Variants in NET1 observed in about 807,000 individuals in gnomAD.
NET1 encodes the protein neuroepithelial cell transforming 1.
NET1 carries 42 observed loss-of-function variants against 61.1 expected under a neutral mutation model. The ratio of observed to expected loss-of-function variants is 0.69; its 90% CI spans 0.54 to 0.89. NET1 has a LOEUF of 0.89. Ranked by LOEUF, NET1 falls within the 40% of genes least tolerant of loss-of-function variation. The pLI is 0.00. For synonymous variants in NET1, 254 were observed against 281.8 expected (o/e 0.90, Z 0.99); for missense variants, 654 against 747.3 (o/e 0.88, Z 1.46).
In NET1 at chr10:5,421,757, C is replaced by T. The variant is rs2119169120; in HGVS notation, c.129-4898C>T. ...TCATTACCACAATCCATTGTTAGAA[C>T]ATTTCATCACCCCAAATATCCCTGC... On this transcript the variant is annotated intron_variant, in intron 1 of 11. Transcript: ENST00000355029. This position sits in a 1 kb window ranked among gnomAD's most constrained non-coding sequence, Gnocchi z 4.2. 6.6e-6 allele frequency among the ~76,000 whole-genome samples: 1 copy of T among 152,292 alleles called. No homozygotes were observed. The highest frequency in any genetic ancestry group is 1.9e-4 in the East Asian group (1 of 5,190).
rs1238176415 is a variant in NET1 at position 5,427,278 on chromosome 10, A to T, written c.195+557A>T. Among the ~76,000 whole-genome samples, 1 of 152,208 alleles carries T rather than the reference A, an allele frequency of 6.6e-6. No individual in the cohort carries two copies. The highest frequency in any genetic ancestry group is 6.5e-5 in the Admixed American group (1 of 15,280). On this transcript the variant is annotated intron_variant, in intron 2 of 11. Coordinates refer to ENST00000355029, the MANE Select transcript of NET1 (RefSeq NM_001047160.3). This position sits in a 1 kb window ranked among gnomAD's most constrained non-coding sequence, Gnocchi z 4.1. ...CTCATAATACATATATAAAGTACGTACAAATAGATCATGATTCTTATGCTT... is the reference window on the plus strand; with the variant it reads ...CTCATAATACATATATAAAGTACGTTCAAATAGATCATGATTCTTATGCTT...
rs1411296575 is a variant in NET1 at position 5,436,225 on chromosome 10, CATAT to C, written c.255+7017_255+7020del. ...GTGTGTGTGTGTGTGTGTGTGTGTG[CATAT>C]ATATATATATATATATATATTTTTT... On this transcript the variant is annotated intron_variant, in intron 3 of 11. Coordinates refer to ENST00000355029, the MANE Select transcript of NET1 (RefSeq NM_001047160.3). Among the ~76,000 whole-genome samples, 16 of 24,622 alleles carry C rather than the reference CATAT, an allele frequency of 6.5e-4. 1 individual carries two copies. The highest frequency in any genetic ancestry group is 1.4e-3 in the Admixed American group (2 of 1,462). The allele number at this position is 24,622 out of a possible 152,430, so 16.2% of individuals were successfully genotyped here. A position where few individuals can be genotyped will look rare whatever the true frequency, so the allele number is the denominator to read the frequency against.
chr10:5,456,092 T>C lies in NET1; in HGVS notation c.1203T>C (p.Leu401=). ...TTTGTTTCCCATTTCTCCAGAAACT[T>C]TACATTTTCCTGTTTCAAGACATCT... is the stretch of plus-strand genomic sequence containing the variant. ...GELRSKSGHK[L]YIFLFQDILV... is the part of the protein sequence containing the mutation. The change falls in exon 11 of 12, where the codon CTT becomes CTC. Residue 401 remains leucine, a synonymous_variant. Coordinates refer to ENST00000355029, the MANE Select transcript of NET1 (RefSeq NM_001047160.3). This position sits in a 1 kb window ranked among gnomAD's most constrained non-coding sequence, Gnocchi z 7.0. 1 of 1,609,374 alleles carries C rather than the reference T, an allele frequency of 6.2e-7. No homozygotes were observed. The highest frequency in any genetic ancestry group is 8.5e-7 in the Non-Finnish European group (1 of 1,177,600).
At position 5,456,457 on chromosome 10, in the gene NET1, C is replaced by T; in HGVS notation, c.1385-131C>T. On this transcript the variant is annotated intron_variant, in intron 11 of 11. Transcript: ENST00000355029. This position sits in a 1 kb window ranked among gnomAD's most constrained non-coding sequence, Gnocchi z 7.0. Reference sequence around the variant, plus strand: ...GTGTATCTAAGAAATAATGCATAGGCTTAATGTATTCACATTGACATAAAT... The same window carrying T: ...GTGTATCTAAGAAATAATGCATAGGTTTAATGTATTCACATTGACATAAAT... The T allele has an allele frequency of 9.4e-7, 1 of 1,068,038 alleles. No homozygotes were observed. Among genetic ancestry groups the T allele is most frequent in the Non-Finnish European group, 1.3e-6 (1 of 751,240 alleles). 66.2% of individuals were successfully genotyped at this position (1,068,038 alleles called of 1,614,324 possible). A position where few individuals can be genotyped will look rare whatever the true frequency, so the allele number is the denominator to read the frequency against.
rs999726973 is a variant in NET1 at position 5,454,157 on chromosome 10, T to G, written c.769-108T>G. 6.0e-6 allele frequency: 7 copies of G among 1,176,270 alleles called. No individual in the cohort carries two copies. The African/African-American group carries it at 1.1e-4, about 18-fold the overall frequency. 72.9% of individuals were successfully genotyped at this position (1,176,270 alleles called of 1,614,324 possible). ...CTGCCAGAAAATGTCCACAGCTTGT[T>G]AAAACTCTCAAGAATAGCTGTACAT... On this transcript the variant is annotated intron_variant, in intron 8 of 11. Transcript: ENST00000355029. This position sits in a 1 kb window ranked among gnomAD's most constrained non-coding sequence, Gnocchi z 8.1.
rs774806921 is a variant in NET1, at chr10:5,420,451, T to G, written c.129-6204T>G. Among the ~76,000 whole-genome samples the G allele has an allele frequency of 1.3e-5, 2 of 152,212 alleles. No homozygotes were observed. Among genetic ancestry groups the G allele is most frequent in the African/African-American group, 4.8e-5 (2 of 41,458 alleles). On this transcript the variant is annotated intron_variant, in intron 1 of 11. Transcript: ENST00000355029. This position sits in a 1 kb window ranked among gnomAD's most constrained non-coding sequence, Gnocchi z 5.3. ...GGATTTTAGGTTGTTTGTTGATACA[T>G]CTCCTCTATACACCTGTGCAAGTTT...
Position 5,456,574 on chromosome 10 carries a change from ATT to A in NET1, c.1385-5_1385-4del. ...TAGCCTGATTTCTTTTTTTTTTCCA[ATT>A]TTTTTTTTCAGCTAAAAATATCTTT... On this transcript the variant is annotated splice_polypyrimidine_tract_variant and intron_variant, in intron 11 of 11. Coordinates refer to ENST00000355029, the MANE Select transcript of NET1 (RefSeq NM_001047160.3). The surrounding 1 kb of genome is among the most constrained non-coding windows in gnomAD (Gnocchi z 7.0). 7.3e-7 allele frequency: 1 copy of A among 1,374,978 alleles called. No individual in the cohort carries two copies. The highest frequency in any genetic ancestry group is 9.8e-7 in the Non-Finnish European group (1 of 1,025,312). The allele number at this position is 1,374,978 out of a possible 1,614,324, so 85.2% of individuals were successfully genotyped here.
rs1832760526 is a variant in NET1, at chr10:5,454,284, A to G, written c.788A>G (p.Tyr263Cys). The change falls in exon 9 of 12, where the codon TAC becomes TGC. Residue 263 changes from tyrosine to cysteine, a missense_variant. Coordinates refer to ENST00000355029, the MANE Select transcript of NET1 (RefSeq NM_001047160.3). The surrounding 1 kb of genome is among the most constrained non-coding windows in gnomAD (Gnocchi z 8.1). ...CTTCAGTTACCGCGCTTGAATGCCT[A>G]CAGAGGTTACTGTAGTAACCAGCTG... ...LVSWLPRLNA[Y>C]RGYCSNQLAA... 6.2e-7 allele frequency: 1 copy of G among 1,613,970 alleles called. No individual in the cohort carries two copies. Among genetic ancestry groups the G allele is most frequent in the Non-Finnish European group, 8.5e-7 (1 of 1,179,984 alleles).
At chr10:5,429,655 C>T (rs1177138708) in intron 3 of NET1, among the ~76,000 whole-genome samples, 1 of 152,164 alleles carries the variant, frequency 6.6e-6, no homozygotes, top group African/African-American at 2.4e-5. Context: ...AAAATACATG[C>T]AAGCAAAATA....
intron 1 of NET1, among the ~76,000 whole-genome samples, chr10:5,418,811 A>T (rs937554042): frequency 6.6e-6 from 1 of 152,154 alleles, no homozygotes; most frequent in Non-Finnish European, 1.5e-5. Context: ...TACAGCTATA[A>T]ATTTCCCTCT....
At position 5,412,737 on chromosome 10, in the gene NET1, G is replaced by A. The variant is rs962920649; in HGVS notation, c.45G>A (p.Arg15=). 2.0e-6 allele frequency: 3 copies of A among 1,481,158 alleles called. No individual in the cohort carries two copies. The highest frequency in any genetic ancestry group is 2.7e-6 in the Non-Finnish European group (3 of 1,123,560). The allele number at this position is 1,481,158 out of a possible 1,614,324, so 91.8% of individuals were successfully genotyped here. Residue 15 remains arginine (R), a synonymous_variant, in exon 1 of 12, where the codon AGG becomes AGA. Transcript: ENST00000355029. The surrounding 1 kb of genome is among the most constrained non-coding windows in gnomAD (Gnocchi z 6.5). ...LAAQKQPRPR[R]RSRRASGLST... is the part of the protein sequence containing the mutation. ...CTCAGAAGCAGCCTCGACCGCGGAG[G>A]CGAAGCCGCCGGGCCTCTGGGCTCA...
At position 5,457,595 on chromosome 10, in the gene NET1, T is replaced by G. The variant is rs1832827222; in HGVS notation, c.*601T>G. 6.6e-6 allele frequency: 1 copy of G among 152,630 alleles called. No individual in the cohort carries two copies. Among genetic ancestry groups the G allele is most frequent in the Non-Finnish European group, 1.5e-5 (1 of 68,028 alleles). The allele number at this position is 152,630 out of a possible 1,614,324, so 9.5% of individuals were successfully genotyped here. On this transcript the variant is annotated 3_prime_UTR_variant, in exon 12 of 12. Coordinates refer to ENST00000355029, the MANE Select transcript of NET1 (RefSeq NM_001047160.3). The surrounding 1 kb of genome is among the most constrained non-coding windows in gnomAD (Gnocchi z 5.4). ...TTACATTCATTTAACCTGCCGATTA[T>G]TTAATTTTTTTATTGTAAAGTAGTT... is the stretch of plus-strand genomic sequence containing the variant.
At chr10:5,419,324 T>TTGGG (rs1019236067) in intron 1 of NET1, among the ~76,000 whole-genome samples, 2 of 151,994 alleles carry the variant, frequency 1.3e-5, no homozygotes, top group Non-Finnish European at 2.9e-5. Context: ...GGTTGGTTGG[T>TTGGG]TGGTTGGTTG....
At position 5,412,941 on chromosome 10, in the gene NET1, A is replaced by G; in HGVS notation, c.128+121A>G. On this transcript the variant is annotated intron_variant, in intron 1 of 11. Coordinates refer to ENST00000355029, the MANE Select transcript of NET1 (RefSeq NM_001047160.3). The surrounding 1 kb of genome is among the most constrained non-coding windows in gnomAD (Gnocchi z 6.5). ...GAGGGGAGGGCTGGCCGGGAGTTGG[A>G]TGTGGGGGGCGGCGAGTGGGGGTGT... 1 of 248,816 alleles carries G rather than the reference A, an allele frequency of 4.0e-6. No homozygotes were observed. The highest frequency in any genetic ancestry group is 5.8e-6 in the Non-Finnish European group (1 of 171,270). 15.4% of individuals were successfully genotyped at this position (248,816 alleles called of 1,614,324 possible).
At position 5,417,926 on chromosome 10, in the gene NET1, G is replaced by A. The variant is rs1832108788; in HGVS notation, c.128+5106G>A. ...TTTTGTCTATTGAAATGATCATGTGGTTGTTGTTATTACTGATGTGTTACA... is the reference window on the plus strand; with the variant it reads ...TTTTGTCTATTGAAATGATCATGTGATTGTTGTTATTACTGATGTGTTACA... On this transcript the variant is annotated intron_variant, in intron 1 of 11. Coordinates refer to ENST00000355029, the MANE Select transcript of NET1 (RefSeq NM_001047160.3). This position sits in a 1 kb window ranked among gnomAD's most constrained non-coding sequence, Gnocchi z 5.5. Among the ~76,000 whole-genome samples, 2 of 152,030 alleles carry A rather than the reference G, an allele frequency of 1.3e-5. No individual in the cohort carries two copies.
In NET1 at chr10:5,417,313, G is replaced by C. The variant is rs922181426; in HGVS notation, c.128+4493G>C. Among the ~76,000 whole-genome samples, 3 of 152,126 alleles carry C rather than the reference G, an allele frequency of 2.0e-5. No individual in the cohort carries two copies. Among genetic ancestry groups the C allele is most frequent in the African/African-American group, 7.2e-5 (3 of 41,422 alleles). ...CACAGGATGGGGGTGTGGTGAGCCA[G>C]GGTGGTCTTGGGAAATGCAACATTT... is the stretch of plus-strand genomic sequence containing the variant. On this transcript the variant is annotated intron_variant, in intron 1 of 11. Transcript: ENST00000355029. This position sits in a 1 kb window ranked among gnomAD's most constrained non-coding sequence, Gnocchi z 5.5.
At position 5,444,732 on chromosome 10, in the gene NET1, G is replaced by T. The variant is rs922866093; in HGVS notation, c.256-7098G>T. On this transcript the variant is annotated intron_variant, in intron 3 of 11. Coordinates refer to ENST00000355029, the MANE Select transcript of NET1 (RefSeq NM_001047160.3). This position sits in a 1 kb window ranked among gnomAD's most constrained non-coding sequence, Gnocchi z 5.3. ...TCATCTCATTCACTCCCATAGCTTC[G>T]ATTTTTATCTCTGTATCTGACTCTC... Among the ~76,000 whole-genome samples the T allele has an allele frequency of 6.6e-6, 1 of 152,110 alleles. No individual in the cohort carries two copies. The highest frequency in any genetic ancestry group is 2.1e-4 in the South Asian group (1 of 4,822).
intron 1 of NET1, among the ~76,000 whole-genome samples, chr10:5,414,292 A>G (rs995890346): frequency 6.6e-6 from 1 of 152,184 alleles, no homozygotes; most frequent in Admixed American, 6.5e-5. Context: ...CTTCATGGTA[A>G]TGGGGAAATA....
rs1187213319 is a variant in NET1, at chr10:5,431,117, TG to T, written c.255+1889del. ...CGATCTCCTGACCTCGTGATCCGCCTGCCTCGGCCTCCCAAAGTGCTGGGAT... is the reference window on the plus strand; with the variant it reads ...CGATCTCCTGACCTCGTGATCCGCCTCCTCGGCCTCCCAAAGTGCTGGGAT... On this transcript the variant is annotated intron_variant, in intron 3 of 11. Coordinates refer to ENST00000355029, the MANE Select transcript of NET1 (RefSeq NM_001047160.3). The surrounding 1 kb of genome is among the most constrained non-coding windows in gnomAD (Gnocchi z 4.9). 1.3e-5 allele frequency among the ~76,000 whole-genome samples: 2 copies of T among 151,538 alleles called. No homozygotes were observed. The highest frequency in any genetic ancestry group is 4.8e-5 in the African/African-American group (2 of 41,238).
Sources: gnomAD v4.1 joint callset for allele counts (sites outside exome capture counted in the v4.1 genomes callset) on GRCh38, gnomAD v4.1.1 for gene constraint, Gnocchi (gnomAD v3.1) non-coding constraint, MANE v1.5 for transcripts, NCBI Gene and HGNC (gene_info 2026-07-23, HGNC 2026-07-21) for gene names.